Variants in SPAST observed in about 807,000 individuals in gnomAD.
The protein encoded by SPAST is spastin.
A neutral mutation model predicts 76.6 loss-of-function variants in SPAST; 30 were observed. The observed-to-expected ratio is 0.39, with a 90% confidence interval of 0.29 to 0.53. SPAST has a LOEUF of 0.53. SPAST is among the 20% of genes least tolerant of loss of function. The pLI is 0.68. For synonymous variants in SPAST, 305 were observed against 281.0 expected, an observed-to-expected ratio of 1.09 and a Z score of -0.86; for missense variants, 717 against 770.5, an observed-to-expected ratio of 0.93 and a Z score of 0.82.
At chr2:32,110,027 G>A (rs1558319119) in intron 4 of SPAST, among the ~76,000 whole-genome samples, 1 of 146,768 alleles carries the variant, frequency 6.8e-6, no homozygotes, top group South Asian at 2.1e-4. Context: ...ATATATAGCT[G>A]TAAATGTATA....
Position 32,063,737 on chromosome 2 carries a change from T to C in SPAST, c.-95T>C. 1 of 1,475,072 alleles carries C rather than the reference T, an allele frequency of 6.8e-7. No individual in the cohort carries two copies. The highest frequency in any genetic ancestry group is 9.0e-7 in the Non-Finnish European group (1 of 1,105,146). The allele number at this position is 1,475,072 out of a possible 1,614,324, so 91.4% of individuals were successfully genotyped here. ...TGAGACCGGCGGGCACACGGGGGTC[T>C]GTGGCCCCCGCCGTAGCAGTGGCTG... On this transcript the variant is annotated 5_prime_UTR_variant, in exon 1 of 17. Transcript: ENST00000315285.
rs1287634609 is a variant in SPAST at position 32,154,519 on chromosome 2, A to C, written c.*23A>C. 6.2e-6 allele frequency: 10 copies of C among 1,612,086 alleles called. No individual in the cohort carries two copies. The highest frequency in any genetic ancestry group is 8.5e-6 in the Non-Finnish European group (10 of 1,178,376). On this transcript the variant is annotated 3_prime_UTR_variant, in exon 17 of 17. Transcript: ENST00000315285. Reference sequence around the variant, plus strand: ...TAAGGAAATACCTTTGTAAACCTGCAGAACATTTTACTTAAAAGAGGAAAC... The same window carrying C: ...TAAGGAAATACCTTTGTAAACCTGCCGAACATTTTACTTAAAAGAGGAAAC...
intron 14 of SPAST, among the ~76,000 whole-genome samples, 186 bp from the exon 15 acceptor site, chr2:32,144,751 C>T (rs933553136): frequency 6.6e-6 from 1 of 151,982 alleles, no homozygotes; most frequent in African/African-American, 2.4e-5. Context: ...TAGCCAGGTG[C>T]GGTGGCGCAT....
intron 1 of SPAST, among the ~76,000 whole-genome samples, chr2:32,066,484 A>G (rs180808553): frequency 2.0e-5 from 3 of 152,158 alleles, no homozygotes; most frequent in East Asian, 3.9e-4. Context: ...CCTGGCCAAC[A>G]TGGTGAAATC....
At chr2:32,127,158 G>GTTTGT (rs1006566580) in intron 8 of SPAST, 136 bp downstream of exon 8, 2 of 723,328 alleles carry the variant, frequency 2.8e-6, no homozygotes, top group Non-Finnish European at 2.5e-6. Context: ...TTTTTTGTTT[G>GTTTGT]TTTGTTTTGT....
At position 32,076,702 on chromosome 2, in the gene SPAST, T is replaced by C. The variant is rs572126685; in HGVS notation, c.416-10790T>C. 3.6e-4 allele frequency among the ~76,000 whole-genome samples: 55 copies of C among 152,142 alleles called. 1 individual carries two copies. In the South Asian group the frequency reaches 0.011, roughly 30 times the overall value. ...CTACCAGGAGATTTTTTTTTTTCTT[T>C]GAGAACAGGGGCCATAATCAGTAGT... On this transcript the variant is annotated intron_variant, in intron 1 of 16. Coordinates refer to ENST00000315285, the MANE Select transcript of SPAST (RefSeq NM_014946.4).
chr2:32,079,208 A>T (rs1677098292), intron 1 of SPAST, among the ~76,000 whole-genome samples: 1 of 152,122 alleles, frequency 6.6e-6, no homozygotes, highest in Non-Finnish European at 1.5e-5. Flanking sequence ...GCAAAGGGGG[A>T]TATCACTGAT....
At position 32,115,692 on chromosome 2, in the gene SPAST, A is replaced by G. The variant is rs1678801155; in HGVS notation, c.871-10A>G. 6.3e-7 allele frequency: 1 copy of G among 1,589,766 alleles called. No individual in the cohort carries two copies. The highest frequency in any genetic ancestry group is 8.6e-7 in the Non-Finnish European group (1 of 1,161,242). On this transcript the variant is annotated splice_polypyrimidine_tract_variant and intron_variant, in intron 5 of 16. Transcript: ENST00000315285. ...TTGTATTTTCATATTAAAATTTTGT[A>G]TCCTTTAAGGGTACTCCGAAAACAA...
chr2:32,113,818 C>T lies in SPAST; in HGVS notation c.683-820C>T, dbSNP rs747707443. On this transcript the variant is annotated intron_variant, in intron 4 of 16. Coordinates refer to ENST00000315285, the MANE Select transcript of SPAST (RefSeq NM_014946.4). ...CTGACATCAGGTGATCCGTCCACCT[C>T]GATCTCCCAAAGTGCTGGGATTACA... Among the ~76,000 whole-genome samples the T allele has an allele frequency of 5.3e-5, 8 of 152,072 alleles. No homozygotes were observed. The East Asian group carries it at 5.8e-4, about 11-fold the overall frequency.
chr2:32,132,969 C>T (rs1279529891), intron 9 of SPAST, among the ~76,000 whole-genome samples: 2 of 151,980 alleles, frequency 1.3e-5, no homozygotes, highest in Non-Finnish European at 2.9e-5. Context: ...TCACTTGAGC[C>T]CAGGAGGCGG....
At chr2:32,117,010 C>T (rs1261529352) in intron 7 of SPAST, among the ~76,000 whole-genome samples, 3 of 151,638 alleles carry the variant, frequency 2.0e-5, no homozygotes, top group Admixed American at 6.6e-5. Context: ...CCTGTAATCC[C>T]AGCACTTTGG....
intron 3 of SPAST, among the ~76,000 whole-genome samples, chr2:32,098,460 C>T (rs1004949919): frequency 7.2e-5 from 11 of 151,916 alleles, no homozygotes; most frequent in South Asian, 2.1e-4. Flanking sequence ...AGACCAAGAC[C>T]GATAATTATC....
chr2:32,080,104 A>G (rs1677144851), intron 1 of SPAST, among the ~76,000 whole-genome samples: 1 of 152,342 alleles, frequency 6.6e-6, no homozygotes, highest in African/African-American at 2.4e-5. Flanking sequence ...TTTTTAAAAT[A>G]ATAGTCATCC....
chr2:32,068,325 CTTT>C (rs34133490), intron 1 of SPAST, among the ~76,000 whole-genome samples: 3 of 132,222 alleles, frequency 2.3e-5, no homozygotes, highest in Non-Finnish European at 1.6e-5. Context: ...GTTGACAGCT[CTTT>C]TTTTTTTTTT....
intron 16 of SPAST, among the ~76,000 whole-genome samples, chr2:32,150,682 T>C (rs1324622647): frequency 2.0e-5 from 3 of 151,900 alleles, no homozygotes; most frequent in Non-Finnish European, 4.4e-5. Context: ...TTCCTCCCAC[T>C]TGCACCTCCC....
chr2:32,084,699 A>T (rs1677399575), intron 1 of SPAST, among the ~76,000 whole-genome samples: 1 of 151,494 alleles, frequency 6.6e-6, no homozygotes, highest in Non-Finnish European at 1.5e-5. Flanking sequence ...CAGCCTGGCC[A>T]ACATGGTGAA....
intron 3 of SPAST, among the ~76,000 whole-genome samples, chr2:32,095,394 G>T (rs1191366631): frequency 6.6e-6 from 1 of 152,072 alleles, no homozygotes; most frequent in Non-Finnish European, 1.5e-5. Context: ...CTTCCTAGAA[G>T]TGAAACCTAA....
At chr2:32,147,655 G>A (rs1210294900) in intron 16 of SPAST, among the ~76,000 whole-genome samples, 17 of 109,030 alleles carry the variant, frequency 1.6e-4, no homozygotes, top group African/African-American at 4.8e-4. Context: ...TGTTTGAGAC[G>A]GAGTCTCACT....
intron 1 of SPAST, among the ~76,000 whole-genome samples, chr2:32,075,407 C>T (rs1573046720): frequency 9.3e-6 from 1 of 107,472 alleles, no homozygotes; most frequent in South Asian, 3.2e-4. Flanking sequence ...GCCTGGGCCA[C>T]AGAGCGAGAC....
Sources: allele counts gnomAD v4.1 joint callset (sites outside exome capture counted in the v4.1 genomes callset), GRCh38; gene constraint gnomAD v4.1.1; transcripts MANE v1.5; gene names NCBI Gene and HGNC (gene_info 2026-07-23, HGNC 2026-07-21).